The following RESF1 variants were observed in gnomAD, a reference collection of about 807,000 sequenced individuals.
RESF1 encodes the protein retroelement silencing factor 1.
In RESF1, 65 loss-of-function variants were observed where a neutral mutation model predicts 134.7. The ratio of observed to expected loss-of-function variants is 0.48; its 90% CI spans 0.40 to 0.59. RESF1 has a LOEUF of 0.59. Ranked by LOEUF, RESF1 falls within the 20% of genes least tolerant of loss-of-function variation. The probability of loss-of-function intolerance (pLI) is 0.00; values close to 1 mark genes in which losing one functional copy is unlikely to be tolerated. For missense variants in RESF1, 2,274 were observed against 2,002.7 expected (o/e 1.14, Z -2.59); for synonymous variants, 762 against 702.2 (o/e 1.09, Z -1.35).
intron 2 of RESF1, among the ~76,000 whole-genome samples, chr12:31,962,715 C>T (rs773727742): frequency 5.3e-5 from 8 of 152,134 alleles, no homozygotes; most frequent in African/African-American, 1.2e-4. Flanking sequence ...ATTGTATTGT[C>T]CAGTGAAGTT....
At chr12:31,975,701 G>A (rs932272031) in intron 3 of RESF1, among the ~76,000 whole-genome samples, 4 of 152,154 alleles carry the variant, frequency 2.6e-5, no homozygotes, top group African/African-American at 9.7e-5. Flanking sequence ...GGTTGGTTTT[G>A]TCTGTGTTTC....
rs973624841 is a variant in RESF1, at chr12:31,992,821, G to C, written c.*286G>C. ...AAGGAATGCTTATACAAATCAATTT[G>C]AAATTCTACCCATCTTGAGGGAGGA... is the stretch of plus-strand genomic sequence containing the variant. On this transcript the variant is annotated 3_prime_UTR_variant, in exon 6 of 6. Coordinates refer to ENST00000312561, the MANE Select transcript of RESF1 (RefSeq NM_018169.4). The C allele has an allele frequency of 3.7e-5, 13 of 346,694 alleles. No homozygotes were observed. In the South Asian group the frequency reaches 3.9e-4, roughly 10 times the overall value. 21.5% of individuals were successfully genotyped at this position (346,694 alleles called of 1,614,324 possible).
At position 31,977,801 on chromosome 12, in the gene RESF1, C is replaced by CTTTTTTTTTTTTTTT. The variant is rs3075963; in HGVS notation, c.-78-3070_-78-3056dup. Among the ~76,000 whole-genome samples the CTTTTTTTTTTTTTTT allele has an allele frequency of 1.8e-4, 23 of 124,354 alleles. 1 individual carries two copies. Among genetic ancestry groups the CTTTTTTTTTTTTTTT allele is most frequent in the East Asian group, 5.2e-4 (2 of 3,844 alleles). 81.6% of individuals were successfully genotyped at this position (124,354 alleles called of 152,430 possible). A position where few individuals can be genotyped will look rare whatever the true frequency, so the allele number is the denominator to read the frequency against. On this transcript the variant is annotated intron_variant, in intron 3 of 5. Transcript: ENST00000312561. The stretch of plus-strand genomic sequence containing the variant: ...ACTCTTAATTACTTTTTCTTTCTTT[C>CTTTTTTTTTTTTTTT]TTTTTTTTTTTTTTTTTTTTTGAGA...
intron 3 of RESF1, among the ~76,000 whole-genome samples, chr12:31,977,827 CAA>C (rs557777968): frequency 6.3e-4 from 77 of 122,656 alleles, no homozygotes; most frequent in Non-Finnish European, 1.2e-3. Flanking sequence ...TTTTTTGAGA[CAA>C]GAGCTCATTC....
At chr12:31,989,617 C>T (rs771514515) in intron 5 of RESF1, among the ~76,000 whole-genome samples, 8 of 151,990 alleles carry the variant, frequency 5.3e-5, no homozygotes, top group Non-Finnish European at 7.4e-5. Flanking sequence ...TTTGGGAGGC[C>T]GAGGCAGGCA....
chr12:31,982,737 T>A lies in RESF1; in HGVS notation c.1782T>A (p.Thr594=), dbSNP rs137931386. The A allele has an allele frequency of 6.2e-7, 1 of 1,613,964 alleles. No individual in the cohort carries two copies. The highest frequency in any genetic ancestry group is 1.3e-5 in the African/African-American group (1 of 75,018). Reference sequence around the variant, plus strand: ...CTTTGCTTTCACAGGCACGTAAGACTCAGAAGACAGTATTAAAAGATGCTA... The same window carrying A: ...CTTTGCTTTCACAGGCACGTAAGACACAGAAGACAGTATTAAAAGATGCTA... The part of the protein sequence containing the change: ...LLALLSQARK[T]QKTVLKDANQ... Residue 594 remains threonine, a synonymous_variant, in exon 4 of 6, where the codon ACT becomes ACA. Transcript: ENST00000312561.
chr12:31,981,255 A>G lies in RESF1; in HGVS notation c.300A>G (p.Gly100=). 1 of 1,614,180 alleles carries G rather than the reference A, an allele frequency of 6.2e-7. No individual in the cohort carries two copies. Among genetic ancestry groups the G allele is most frequent in the Non-Finnish European group, 8.5e-7 (1 of 1,180,020 alleles). The change falls in exon 4 of 6, where the codon GGA becomes GGG. Residue 100 remains glycine (G), a synonymous_variant. Transcript: ENST00000312561. ...VERITYANVN[G]PKQLTHNLQM... ...GAATAACATATGCAAATGTTAATGG[A>G]CCCAAACAACTAACTCACAATTTGC...
chr12:31,965,291 T>G (rs1939373745), intron 2 of RESF1, among the ~76,000 whole-genome samples: 1 of 152,150 alleles, frequency 6.6e-6, no homozygotes, highest in South Asian at 2.1e-4. Flanking sequence ...TTTTTCTGTG[T>G]CAAAGTTGCT....
At chr12:31,991,123 C>T (rs1442404940) in intron 5 of RESF1, among the ~76,000 whole-genome samples, 1 of 150,734 alleles carries the variant, frequency 6.6e-6, no homozygotes, top group Non-Finnish European at 1.5e-5. Context: ...CACCTGAGCC[C>T]AGGAGTTGAG....
intron 4 of RESF1, 35 bp from the exon 5 acceptor site, chr12:31,987,204 A>G (rs757614158): frequency 1.7e-6 from 2 of 1,159,522 alleles, no homozygotes; most frequent in South Asian, 2.5e-5. Flanking sequence ...GATGATTAGC[A>G]ATATCTAGAG....
chr12:31,985,403 A>T lies in RESF1; in HGVS notation c.4448A>T (p.Lys1483Ile), dbSNP rs765689624. 1 of 1,605,694 alleles carries T rather than the reference A, an allele frequency of 6.2e-7. No homozygotes were observed. The highest frequency in any genetic ancestry group is 1.1e-5 in the South Asian group (1 of 89,132). Reference protein sequence around the residue: ...PCDSEHMRPSKLAVQVESCGK... With the variant: ...PCDSEHMRPSILAVQVESCGK... Reference sequence around the variant, plus strand: ...GATTCTGAACATATGAGACCAAGTAAACTTGCCGTGCAGGTTGAAAGTTGT... The same window carrying T: ...GATTCTGAACATATGAGACCAAGTATACTTGCCGTGCAGGTTGAAAGTTGT... The change falls in exon 4 of 6, where the codon AAA (lysine) becomes ATA (isoleucine). Residue 1483 changes from lysine (K) to isoleucine (I), a missense_variant. Transcript: ENST00000312561.
intron 2 of RESF1, among the ~76,000 whole-genome samples, chr12:31,964,013 C>T (rs12231559): frequency 0.15 from 22,176 of 152,128 alleles, 2,120 homozygotes; most frequent in Middle Eastern, 0.26. Flanking sequence ...TTTATGTAGA[C>T]GTGTATTTTT....
intron 2 of RESF1, 83 bp downstream of exon 2, chr12:31,960,954 C>T (rs1313879942): frequency 6.6e-6 from 1 of 152,148 alleles, no homozygotes; most frequent in Non-Finnish European, 1.5e-5. Flanking sequence ...TCACCTATTA[C>T]CGAATAAAAT....
chr12:31,965,601 T>A (rs1473040217), intron 2 of RESF1, among the ~76,000 whole-genome samples: 1 of 152,196 alleles, frequency 6.6e-6, no homozygotes, highest in Non-Finnish European at 1.5e-5. Context: ...ACTGCATGGT[T>A]TAGAGGAACT....
chr12:31,989,396 C>A (rs1481534755), intron 5 of RESF1, among the ~76,000 whole-genome samples: 667 of 98,130 alleles, frequency 6.8e-3, no homozygotes, highest in African/African-American at 9.4e-3. Flanking sequence ...AGTCTTGTCT[C>A]AAAAAAAAAA....
intron 3 of RESF1, among the ~76,000 whole-genome samples, chr12:31,980,345 A>G (rs1254956737): frequency 6.6e-6 from 1 of 152,068 alleles, no homozygotes; most frequent in Admixed American, 6.6e-5. Context: ...TCTTGGCCTC[A>G]GGTGATCCAC....
rs539846010 is a variant in RESF1 at position 31,984,245 on chromosome 12, C to T, written c.3290C>T (p.Ser1097Phe). The change falls in exon 4 of 6, where the codon TCC becomes TTC. Residue 1097 changes from serine to phenylalanine, a missense_variant. Coordinates refer to ENST00000312561, the MANE Select transcript of RESF1 (RefSeq NM_018169.4). ...DQTADKTSSD[S>F]KDPADQIQIT... Reference sequence around the variant, plus strand: ...ACTGCTGATAAAACCAGTTCTGACTCCAAAGACCCAGCAGATCAAATACAA... The same window carrying T: ...ACTGCTGATAAAACCAGTTCTGACTTCAAAGACCCAGCAGATCAAATACAA... The T allele has an allele frequency of 8.1e-5, 131 of 1,613,958 alleles. 3 individuals carry two copies. In the Middle Eastern group the frequency reaches 1.2e-3, roughly 14 times the overall value.
chr12:31,983,825 A>AT lies in RESF1; in HGVS notation c.2871dup (p.Lys958Ter). The AT allele has an allele frequency of 6.2e-7, 1 of 1,613,016 alleles. No individual in the cohort carries two copies. The highest frequency in any genetic ancestry group is 8.5e-7 in the Non-Finnish European group (1 of 1,179,952). Reference sequence around the variant, plus strand: ...AATAAAGACTTTGGTTTTCAAAAAGATAAACCTGTACAGTGCACAGATGTT... The same window carrying AT: ...AATAAAGACTTTGGTTTTCAAAAAGATTAAACCTGTACAGTGCACAGATGTT... On this transcript the variant is annotated frameshift_variant, in exon 4 of 6. Coordinates refer to ENST00000312561, the MANE Select transcript of RESF1 (RefSeq NM_018169.4). LOFTEE classifies it high-confidence loss of function.
rs76943150 is a variant in RESF1 at position 31,985,093 on chromosome 12, G to A, written c.4138G>A (p.Gly1380Arg). ...SFKQKRKLDQ[G>R]NVLDMEVKKK... ...CAAACAAAAACGAAAGTTAGACCAA[G>A]GGAACGTATTAGATATGGAAGTAAA... The change falls in exon 4 of 6, where the codon GGG becomes AGG. Residue 1380 changes from glycine to arginine, a missense_variant. By Grantham distance (125) the Gly-to-Arg change is moderately radical. Coordinates refer to ENST00000312561, the MANE Select transcript of RESF1 (RefSeq NM_018169.4). 109 of 1,563,548 alleles carry A rather than the reference G, an allele frequency of 7.0e-5. No individual in the cohort carries two copies. The East Asian group carries it at 2.4e-3, about 34-fold the overall frequency.
Sources: allele counts gnomAD v4.1 joint callset (sites outside exome capture counted in the v4.1 genomes callset), GRCh38; gene constraint gnomAD v4.1.1; transcripts MANE v1.5; gene names NCBI Gene and HGNC (gene_info 2026-07-23, HGNC 2026-07-21).